The following PSG6 variants were observed in gnomAD, a reference collection of about 807,000 sequenced individuals.
PSG6 encodes the protein pregnancy specific beta-1-glycoprotein 6.
In PSG6, 51 loss-of-function variants were observed where a neutral mutation model predicts 43.3. The observed-to-expected ratio is 1.18, with a 90% CI of 0.94 to 1.49. The LOEUF (loss-of-function observed/expected upper bound fraction) is 1.49. Ranked by LOEUF, PSG6 falls within the 40% of genes most tolerant of loss-of-function variation. PSG6 has a pLI of 0.00. For synonymous variants in PSG6, 292 were observed against 197.6 expected (o/e 1.48, Z -4.01); for missense variants, 770 against 522.2 (o/e 1.47, Z -4.62).
intron 2 of PSG6, 66 bp from the exon 3 acceptor site, chr19:42,910,924 A>T: frequency 6.5e-7 from 1 of 1,540,032 alleles, no homozygotes; most frequent in Non-Finnish European, 8.7e-7. Context: ...GGCATTTTTC[A>T]ATCAGAGTTG....
chr19:42,908,918 T>C (rs1972168456), intron 3 of PSG6, among the ~76,000 whole-genome samples: 1 of 151,554 alleles, frequency 6.6e-6, no homozygotes. Flanking sequence ...AATCAGAAGT[T>C]GTTCATGGGT....
At chr19:42,908,261 G>C (rs775341454) in intron 3 of PSG6, among the ~76,000 whole-genome samples, 1 of 151,678 alleles carries the variant, frequency 6.6e-6, no homozygotes, top group Admixed American at 6.6e-5. Context: ...TTTCTCTGCA[G>C]CTTCCATTTC....
At chr19:42,916,563 G>A (rs140517152) in intron 1 of PSG6, 76 bp from the exon 2 acceptor site, 3 of 1,526,500 alleles carry the variant, frequency 2.0e-6, no homozygotes, top group Admixed American at 2.0e-5. Flanking sequence ...TGTGTCCTGA[G>A]AAGGTCTCTT....
intron 2 of PSG6, among the ~76,000 whole-genome samples, chr19:42,911,364 C>A (rs1452226294): frequency 1.3e-5 from 2 of 151,628 alleles, no homozygotes; most frequent in African/African-American, 4.8e-5. Context: ...GAACTGGGTA[C>A]TTCAGCAGAA....
Position 42,916,125 on chromosome 19 carries a change from AG to A in PSG6, c.426del (p.Ser143ArgfsTer13). The A allele has an allele frequency of 6.2e-7, 1 of 1,610,854 alleles. No individual in the cohort carries two copies. The highest frequency in any genetic ancestry group is 8.5e-7 in the Non-Finnish European group (1 of 1,178,448). On this transcript the variant is annotated frameshift_variant and splice_region_variant, in exon 2 of 6. Coordinates refer to ENST00000187910, the MANE Select transcript of PSG6 (RefSeq NM_001031850.4). LOFTEE classifies it high-confidence loss of function. Reference sequence around the variant, plus strand: ...CCAGGGATCATGCGGAATCACTCACAGTATAAGGTGACAGTGAAATATCCAG... The same window carrying A: ...CCAGGGATCATGCGGAATCACTCACATATAAGGTGACAGTGAAATATCCAG... ...GVTGYFTVTL[Y>X]SETPKPSISS...
intron 2 of PSG6, among the ~76,000 whole-genome samples, chr19:42,914,655 G>A (rs1304895344): frequency 4.6e-5 from 7 of 151,410 alleles, no homozygotes; most frequent in Non-Finnish European, 2.9e-5. Context: ...GAAGGACAAG[G>A]GACAGGTGTG....
At chr19:42,904,545 C>T (rs1326917135) in intron 5 of PSG6, among the ~76,000 whole-genome samples, 1 of 151,558 alleles carries the variant, frequency 6.6e-6, no homozygotes. Context: ...TTTATATTCA[C>T]ATCAAAAAGA....
At position 42,902,527 on chromosome 19, in the gene PSG6, C is replaced by T. The variant is rs559583358; in HGVS notation, c.1241-81G>A. On this transcript the variant is annotated intron_variant, in intron 5 of 5. Transcript: ENST00000187910. ...AGAAAGCTTCTTTCCCACAGGCTCC[C>T]AGCAAGGGTGTGAAAGCAAGTCTAG... 5 of 1,569,906 alleles carry T rather than the reference C, an allele frequency of 3.2e-6. 1 individual carries two copies. The Admixed American group carries it at 5.3e-5, about 17-fold the overall frequency.
intron 5 of PSG6, among the ~76,000 whole-genome samples, chr19:42,904,367 A>G (rs1245397816): frequency 2.0e-5 from 3 of 151,692 alleles, no homozygotes; most frequent in Admixed American, 2.0e-4. Context: ...ATTTCTGTTT[A>G]TAGATAACTT....
At chr19:42,914,837 C>A (rs1600549420) in intron 2 of PSG6, among the ~76,000 whole-genome samples, 1 of 150,178 alleles carries the variant, frequency 6.7e-6, no homozygotes, top group Admixed American at 6.7e-5. Context: ...AAGGTCCTCT[C>A]CTTGATCCTC....
At chr19:42,916,074 T>G (rs767484706) in intron 2 of PSG6, 51 bp downstream of exon 2, 2 of 1,602,778 alleles carry the variant, frequency 1.2e-6, no homozygotes, top group African/African-American at 2.7e-5. Flanking sequence ...GTGTGTGAAG[T>G]AGAAATGACC....
intron 2 of PSG6, among the ~76,000 whole-genome samples, chr19:42,912,818 C>G (rs1400045019): frequency 6.6e-6 from 1 of 151,604 alleles, no homozygotes. Flanking sequence ...AAAACGGCAT[C>G]ATCATGAGGA....
chr19:42,903,567 A>AC, intron 5 of PSG6: 1 of 1,408,160 alleles, frequency 7.1e-7, no homozygotes, highest in African/African-American at 1.5e-5. Flanking sequence ...CTAAGAAAAA[A>AC]AGAGAAAAGA....
rs1370381790 is a variant in PSG6, at chr19:42,910,710, C to T, written c.576G>A (p.Leu192=). 1 of 1,612,358 alleles carries T rather than the reference C, an allele frequency of 6.2e-7. No homozygotes were observed. The highest frequency in any genetic ancestry group is 1.3e-5 in the African/African-American group (1 of 74,836). The change falls in exon 3 of 6, where the codon TTG becomes TTA. Residue 192 remains leucine, a synonymous_variant. Transcript: ENST00000187910. The part of the protein sequence containing the change: ...NGQNLPMTHR[L]QLSKTNRTLY... ...GGGTCCTGTTGGTTTTGGACAGCTG[C>T]AACCTGTGAGTCATAGGGAGGTTCT...
intron 3 of PSG6, among the ~76,000 whole-genome samples, chr19:42,909,102 C>T (rs1045250471): frequency 6.6e-6 from 1 of 151,654 alleles, no homozygotes; most frequent in Non-Finnish European, 1.5e-5. Context: ...TTTAGCATCC[C>T]AAATCTGAAA....
chr19:42,905,181 A>G (rs2122618673), intron 5 of PSG6, among the ~76,000 whole-genome samples: 1 of 151,886 alleles, frequency 6.6e-6, no homozygotes, highest in South Asian at 2.1e-4. Context: ...AACTCTTAGA[A>G]GAAAAACTTC....
chr19:42,916,749 C>T (rs1217123248), intron 1 of PSG6, among the ~76,000 whole-genome samples: 2 of 151,116 alleles, frequency 1.3e-5, no homozygotes, highest in East Asian at 3.9e-4. Flanking sequence ...TGTTTGCAAT[C>T]CTCTTCCCCA....
intron 2 of PSG6, among the ~76,000 whole-genome samples, chr19:42,912,616 A>G (rs903724296): frequency 6.6e-6 from 1 of 151,772 alleles, no homozygotes; most frequent in Non-Finnish European, 1.5e-5. Flanking sequence ...ATATAGAAAG[A>G]ACCTGCTTCT....
chr19:42,915,067 T>TG (rs961313219), intron 2 of PSG6, among the ~76,000 whole-genome samples: 1 of 151,586 alleles, frequency 6.6e-6, no homozygotes, highest in Non-Finnish European at 1.5e-5. Flanking sequence ...TAAATGACTA[T>TG]GGGGTCCTTG....
Sources: gnomAD v4.1 joint callset for allele counts (sites outside exome capture counted in the v4.1 genomes callset) on GRCh38, gnomAD v4.1.1 for gene constraint, MANE v1.5 for transcripts, NCBI Gene and HGNC (gene_info 2026-07-23, HGNC 2026-07-21) for gene names.